HIPK2: variants seen among roughly 807,000 people sequenced by gnomAD.
HIPK2 encodes the protein homeodomain-interacting protein kinase 2.
In HIPK2, 27 loss-of-function variants were observed where a neutral mutation model predicts 113.7. That is an observed-to-expected ratio of 0.24 (90% CI 0.17 to 0.33). HIPK2 has a LOEUF of 0.33. HIPK2 is among the 10% of genes least tolerant of loss of function. The pLI is 1.00. For missense variants in HIPK2, 1,257 were observed against 1,588.0 expected (o/e 0.79, Z 3.54); for synonymous variants, 631 against 642.2 (o/e 0.98, Z 0.26).
chr7:139,741,793 T>C (rs1796104428), intron 1 of HIPK2, among the ~76,000 whole-genome samples: 1 of 152,252 alleles, frequency 6.6e-6, no homozygotes, highest in Admixed American at 6.5e-5. Context: ...ATTCACGTTT[T>C]GTTGTTTGTA....
intron 1 of HIPK2, 101 bp downstream of exon 1, chr7:139,777,504 C>T: frequency 2.6e-6 from 1 of 381,348 alleles, no homozygotes; most frequent in Non-Finnish European, 3.7e-6. Flanking sequence ...GGGGCTGGGG[C>T]AGGCGCCGGG....
intron 2 of HIPK2, among the ~76,000 whole-genome samples, chr7:139,648,873 A>C (rs1248178924): frequency 6.6e-6 from 1 of 152,000 alleles, no homozygotes; most frequent in Admixed American, 6.6e-5. Context: ...ATACTAGGAT[A>C]AAGTCATTAG....
At chr7:139,633,056 A>G (rs575145705) in intron 2 of HIPK2, among the ~76,000 whole-genome samples, 2 of 136,144 alleles carry the variant, frequency 1.5e-5, no homozygotes, top group South Asian at 4.6e-4. Context: ...AGATTGCACC[A>G]CTCTACTCCA....
intron 7 of HIPK2, among the ~76,000 whole-genome samples, chr7:139,618,574 G>A (rs934682332): frequency 2.0e-5 from 3 of 152,184 alleles, no homozygotes; most frequent in African/African-American, 7.2e-5. Context: ...CTTTTGATGA[G>A]CAACCCTTTT....
chr7:139,595,874 T>G (rs988839399), intron 12 of HIPK2, among the ~76,000 whole-genome samples: 1 of 152,226 alleles, frequency 6.6e-6, no homozygotes, highest in Admixed American at 6.5e-5. Context: ...CATATCCAGC[T>G]GCAGGATGCG....
At chr7:139,635,987 T>G (rs1367667488) in intron 2 of HIPK2, among the ~76,000 whole-genome samples, 2 of 152,130 alleles carry the variant, frequency 1.3e-5, no homozygotes, top group African/African-American at 4.8e-5. Context: ...GAGAGTCATC[T>G]CCCCCTGTGG....
intron 1 of HIPK2, among the ~76,000 whole-genome samples, chr7:139,737,878 C>A (rs754174218): frequency 5.9e-5 from 9 of 152,214 alleles, no homozygotes; most frequent in Non-Finnish European, 1.2e-4. Context: ...CACACCTGCT[C>A]ACAGACCAAA....
At chr7:139,642,962 T>C (rs956481259) in intron 2 of HIPK2, among the ~76,000 whole-genome samples, 1 of 151,912 alleles carries the variant, frequency 6.6e-6, no homozygotes, top group African/African-American at 2.4e-5. Context: ...AAAGGAGAGC[T>C]GGGGGGACAG....
chr7:139,593,533 T>C (rs1799096102), intron 12 of HIPK2, among the ~76,000 whole-genome samples: 1 of 152,236 alleles, frequency 6.6e-6, no homozygotes, highest in South Asian at 2.1e-4. Flanking sequence ...CTATATCATC[T>C]AGTCCTAGAG....
rs73475921 is a variant in HIPK2, at chr7:139,767,147, G to C, written c.19+10458C>G. On this transcript the variant is annotated intron_variant, in intron 1 of 14. Transcript: ENST00000406875. Reference sequence around the variant, plus strand: ...CTAAATATTTCTGACTTTTTGTTCTGAATGTACTCTTCCAAAACAATGGTC... The same window carrying C: ...CTAAATATTTCTGACTTTTTGTTCTCAATGTACTCTTCCAAAACAATGGTC... 8.7e-3 allele frequency among the ~76,000 whole-genome samples: 1,318 copies of C among 152,290 alleles called. 12 individuals carry two copies. The highest frequency in any genetic ancestry group is 0.03 in the African/African-American group (1,239 of 41,550).
intron 1 of HIPK2, among the ~76,000 whole-genome samples, chr7:139,764,841 G>C (rs1246966923): frequency 6.6e-6 from 1 of 152,144 alleles, no homozygotes; most frequent in Admixed American, 6.6e-5. Context: ...TAATATAAAA[G>C]TATTATACTT....
At position 139,716,885 on chromosome 7, in the gene HIPK2, C is replaced by T; in HGVS notation, c.150G>A (p.Val50=). The change falls in exon 2 of 15, where the codon GTG becomes GTA. Residue 50 remains valine (V), a synonymous_variant. Coordinates refer to ENST00000406875, the MANE Select transcript of HIPK2 (RefSeq NM_022740.5). This position sits in a 1 kb window ranked among gnomAD's most constrained non-coding sequence, Gnocchi z 9.3. The stretch of plus-strand genomic sequence containing the variant: ...GGGGGATGTTCTTGCTCTGGCTATA[C>T]ACTTTGCTGTGGGAGCCGTACCCAG... The part of the protein sequence containing the change: ...DMTGYGSHSK[V]YSQSKNIPLS... 1.2e-6 allele frequency: 2 copies of T among 1,613,876 alleles called. No homozygotes were observed. The highest frequency in any genetic ancestry group is 1.7e-6 in the Non-Finnish European group (2 of 1,179,872).
At chr7:139,682,344 G>A (rs912412057) in intron 2 of HIPK2, among the ~76,000 whole-genome samples, 1 of 152,140 alleles carries the variant, frequency 6.6e-6, no homozygotes, top group African/African-American at 2.4e-5. Flanking sequence ...CCCATCTCTA[G>A]CCTCAAGAAA....
rs113063726 is a variant in HIPK2 at position 139,756,570 on chromosome 7, G to A, written c.19+21035C>T. Among the ~76,000 whole-genome samples, 1,346 of 152,208 alleles carry A rather than the reference G, an allele frequency of 8.8e-3. 13 individuals are homozygous for A. The highest frequency in any genetic ancestry group is 0.03 in the African/African-American group (1,245 of 41,512). On this transcript the variant is annotated intron_variant, in intron 1 of 14. Transcript: ENST00000406875. ...CTTCCAAGCAGCTGGGACTACAGGC[G>A]CATGCCACCATGCCTGGCTAATTTT...
intron 2 of HIPK2, among the ~76,000 whole-genome samples, chr7:139,702,963 G>A (rs1357694679): frequency 4.6e-5 from 7 of 152,060 alleles, no homozygotes; most frequent in Admixed American, 4.6e-4. Context: ...AGCTGTTTAC[G>A]CCCCAGAGTT....
chr7:139,632,153 A>G (rs148678577), intron 2 of HIPK2, among the ~76,000 whole-genome samples: 29 of 152,338 alleles, frequency 1.9e-4, no homozygotes, highest in East Asian at 1.7e-3. Context: ...TCTTCTGTCT[A>G]TCTAGAGATG....
intron 1 of HIPK2, among the ~76,000 whole-genome samples, chr7:139,726,011 C>T (rs1274364126): frequency 6.6e-6 from 1 of 152,240 alleles, no homozygotes; most frequent in Non-Finnish European, 1.5e-5. Flanking sequence ...ACTGAAACTA[C>T]AGGACGCACC....
chr7:139,703,822 A>C (rs1794788748), intron 2 of HIPK2, among the ~76,000 whole-genome samples: 1 of 139,212 alleles, frequency 7.2e-6, no homozygotes, highest in South Asian at 2.4e-4. Context: ...CACTACACCC[A>C]ACACATACAC....
intron 2 of HIPK2, among the ~76,000 whole-genome samples, chr7:139,663,736 C>G (rs1052386819): frequency 1.3e-5 from 2 of 152,154 alleles, no homozygotes; most frequent in African/African-American, 4.8e-5. Context: ...CAATTAGACT[C>G]TGGGGTAAAA....
Sources: gnomAD v4.1 joint callset for allele counts (sites outside exome capture counted in the v4.1 genomes callset) on GRCh38, gnomAD v4.1.1 for gene constraint, Gnocchi (gnomAD v3.1) non-coding constraint, MANE v1.5 for transcripts, NCBI Gene and HGNC (gene_info 2026-07-23, HGNC 2026-07-21) for gene names.